The following ADRA1A variants were observed in gnomAD, a reference collection of about 807,000 sequenced individuals.
The protein encoded by ADRA1A is alpha-1A adrenergic receptor.
Under a neutral mutation model 29.6 loss-of-function variants are expected in ADRA1A, and 31 were observed. That is an observed-to-expected ratio of 1.05 (90% confidence interval 0.79 to 1.41). The LOEUF (loss-of-function observed/expected upper bound fraction) is 1.41, where lower values mean the gene tolerates loss of function less well. Among genes scored for constraint, ADRA1A ranks in the 40% most tolerant of loss-of-function variants. ADRA1A has a pLI of 0.00. For missense variants in ADRA1A, 619 were observed against 601.1 expected (o/e 1.03, Z -0.31); for synonymous variants, 311 against 254.3 (o/e 1.22, Z -2.12).
intron 2 of ADRA1A, among the ~76,000 whole-genome samples, chr8:26,844,715 T>C (rs925850630): frequency 1.3e-5 from 2 of 152,214 alleles, no homozygotes; most frequent in African/African-American, 4.8e-5. Context: ...CCTCCTATCA[T>C]GTATAAAAAT....
chr8:26,861,265 T>C (rs530344534), intron 2 of ADRA1A, among the ~76,000 whole-genome samples: 3 of 151,744 alleles, frequency 2.0e-5, no homozygotes, highest in African/African-American at 7.2e-5. Flanking sequence ...TTGCTGGCTG[T>C]TTCTCCTGTT....
Position 26,815,892 on chromosome 8 carries a change from G to A in ADRA1A, c.884-45226C>T, listed in dbSNP as rs991997143. Among the ~76,000 whole-genome samples, 7 of 152,176 alleles carry A rather than the reference G, an allele frequency of 4.6e-5. No individual in the cohort carries two copies. The highest frequency in any genetic ancestry group is 4.6e-4 in the Admixed American group (7 of 15,286). On this transcript the variant is annotated intron_variant, in intron 2 of 2. Transcript: ENST00000380573. The surrounding 1 kb of genome is among the most constrained non-coding windows in gnomAD (Gnocchi z 4.2). ...TCTCTGGAGAGGTTCCAGGGCAGAAGGAATGAGAGAAAAGGGAAATGAGAC... is the reference window on the plus strand; with the variant it reads ...TCTCTGGAGAGGTTCCAGGGCAGAAAGAATGAGAGAAAAGGGAAATGAGAC...
intron 2 of ADRA1A, among the ~76,000 whole-genome samples, chr8:26,789,411 A>G (rs1433695576): frequency 2.0e-5 from 3 of 152,206 alleles, no homozygotes; most frequent in Admixed American, 6.5e-5. Context: ...ACAGTGGGGC[A>G]AGGATAGTAT....
downstream of ADRA1A, among the ~76,000 whole-genome samples, chr8:26,763,499 C>A (rs551101104): frequency 6.6e-6 from 1 of 152,284 alleles, no homozygotes; most frequent in Middle Eastern, 3.4e-3. The surrounding 1 kb of genome is among the most constrained non-coding windows in gnomAD (Gnocchi z 4.5). Flanking sequence ...GTGGCGGATG[C>A]TCACCTCTTA....
chr8:26,756,701 G>T (rs747478135), exon 3 of ADRA1A: 1 of 1,613,948 alleles, frequency 6.2e-7, no homozygotes, highest in Non-Finnish European at 8.5e-7. Flanking sequence ...CCAGTGGTGG[G>T]TTTCATGCTC....
In ADRA1A at chr8:26,865,841, T is replaced by G. The variant is rs1813865712; in HGVS notation, c.-686-186A>C. 1.2e-5 allele frequency: 4 copies of G among 322,294 alleles called. No homozygotes were observed. Among genetic ancestry groups the G allele is most frequent in the African/African-American group, 2.2e-5 (1 of 44,552 alleles). The allele number at this position is 322,294 out of a possible 1,614,324, so 20.0% of individuals were successfully genotyped here. ...TCTCGCGCCCCCACCACTGGGAACC[T>G]GCCTAGCGCACTCTACTGAGTCACC... On this transcript the variant is annotated intron_variant, in intron 1 of 2. Transcript: ENST00000380573. The surrounding 1 kb of genome is among the most constrained non-coding windows in gnomAD (Gnocchi z 7.6).
rs1806476173 is a variant in ADRA1A, at chr8:26,775,468, A to G, written c.884-4802T>C. 6.6e-6 allele frequency among the ~76,000 whole-genome samples: 1 copy of G among 152,084 alleles called. No homozygotes were observed. The highest frequency in any genetic ancestry group is 1.5e-5 in the Non-Finnish European group (1 of 68,014). ...CCTCTAGTTTTTCTCATGATGCTTC[A>G]TAGGAAGAGCCAGACTTCCAAATCA... On this transcript the variant is annotated intron_variant, in intron 2 of 2. Coordinates refer to ENST00000380573, the MANE Select transcript of ADRA1A (RefSeq NM_000680.4). This position sits in a 1 kb window ranked among gnomAD's most constrained non-coding sequence, Gnocchi z 4.1.
chr8:26,794,777 T>A (rs1162385889), intron 2 of ADRA1A, among the ~76,000 whole-genome samples: 1 of 152,102 alleles, frequency 6.6e-6, no homozygotes, highest in Non-Finnish European at 1.5e-5. Flanking sequence ...TTAAAGGGAA[T>A]TAAGAACAAA....
rs144211220 is a variant in ADRA1A at position 26,807,154 on chromosome 8, C to A, written c.884-36488G>T. ...CCTTCATAAGAATCACAAATCTAAC[C>A]CCTTTCCATTAAGCATAGCCTCCTA... On this transcript the variant is annotated intron_variant, in intron 2 of 2. Transcript: ENST00000380573. Among the ~76,000 whole-genome samples the A allele has an allele frequency of 1.2e-3, 179 of 152,190 alleles. 2 individuals carry two copies. Among genetic ancestry groups the A allele is most frequent in the African/African-American group, 3.8e-3 (158 of 41,518 alleles).
chr8:26,749,101 C>G (rs1244556123), intron 2 of ADRA1A, among the ~76,000 whole-genome samples: 1 of 152,180 alleles, frequency 6.6e-6, no homozygotes. Context: ...TAGGCAGTGA[C>G]AACACTATTG....
intron 2 of ADRA1A, among the ~76,000 whole-genome samples, chr8:26,760,017 G>C (rs772922642): frequency 2.0e-5 from 3 of 152,202 alleles, no homozygotes; most frequent in Non-Finnish European, 4.4e-5. Flanking sequence ...AGAGTCCCCA[G>C]GGAGGAAGGA....
In ADRA1A at chr8:26,841,680, A is replaced by G. The variant is rs1811828826; in HGVS notation, c.883+22407T>C. ...AACATTCAGCTGAAACTGTTCCTAGATCCCAAACTCCTACCCTAGCACAAG... is the reference window on the plus strand; with the variant it reads ...AACATTCAGCTGAAACTGTTCCTAGGTCCCAAACTCCTACCCTAGCACAAG... On this transcript the variant is annotated intron_variant, in intron 2 of 2. Coordinates refer to ENST00000380573, the MANE Select transcript of ADRA1A (RefSeq NM_000680.4). This position sits in a 1 kb window ranked among gnomAD's most constrained non-coding sequence, Gnocchi z 4.4. Among the ~76,000 whole-genome samples the G allele has an allele frequency of 6.6e-6, 1 of 152,028 alleles. No individual in the cohort carries two copies. Among genetic ancestry groups the G allele is most frequent in the Non-Finnish European group, 1.5e-5 (1 of 68,014 alleles).
At chr8:26,824,617 C>T (rs1040461652) in intron 2 of ADRA1A, among the ~76,000 whole-genome samples, 1 of 152,180 alleles carries the variant, frequency 6.6e-6, no homozygotes, top group Admixed American at 6.5e-5. Flanking sequence ...CCCCCTTCCT[C>T]CCTTTTTGCT....
intron 2 of ADRA1A, among the ~76,000 whole-genome samples, chr8:26,784,104 G>C (rs1441222284): frequency 6.6e-6 from 1 of 152,174 alleles, no homozygotes; most frequent in Non-Finnish European, 1.5e-5. Flanking sequence ...GTTGATCTGT[G>C]CAGCAAACCA....
At chr8:26,850,045 C>CAAAAAACAAAAAAA (rs1554511739) in intron 2 of ADRA1A, among the ~76,000 whole-genome samples, 1 of 123,380 alleles carries the variant, frequency 8.1e-6, no homozygotes, top group Admixed American at 7.8e-5. Context: ...AAACAAAAAA[C>CAAAAAACAAAAAAA]AAAAAAAAAA....
downstream of ADRA1A, among the ~76,000 whole-genome samples, chr8:26,766,423 T>G (rs1805793019): frequency 6.6e-6 from 1 of 152,148 alleles, no homozygotes; most frequent in South Asian, 2.1e-4. Flanking sequence ...TTAATCACAT[T>G]CCAGGCCATT....
Position 26,866,718 on chromosome 8 carries a change from G to A in ADRA1A, c.-687+218C>T, listed in dbSNP as rs1813928075. 6.6e-6 allele frequency among the ~76,000 whole-genome samples: 1 copy of A among 152,148 alleles called. No individual in the cohort carries two copies. The highest frequency in any genetic ancestry group is 2.4e-5 in the African/African-American group (1 of 41,432). ...GCAGAAACCCTTTTCCTCCTACCTC[G>A]AGGGTGATAAACACAGGGTTAAAAA... On this transcript the variant is annotated intron_variant, in intron 1 of 2. Coordinates refer to ENST00000380573, the MANE Select transcript of ADRA1A (RefSeq NM_000680.4). This position sits in a 1 kb window ranked among gnomAD's most constrained non-coding sequence, Gnocchi z 5.7.
At chr8:26,858,200 T>C (rs893222953) in intron 2 of ADRA1A, among the ~76,000 whole-genome samples, 1 of 152,240 alleles carries the variant, frequency 6.6e-6, no homozygotes, top group African/African-American at 2.4e-5. Flanking sequence ...CTGCCTCCTT[T>C]GATTCAGTGG....
chr8:26,864,326 C>T lies in ADRA1A; in HGVS notation c.644G>A (p.Ser215Asn), dbSNP rs749902900. 35 of 1,613,954 alleles carry T rather than the reference C, an allele frequency of 2.2e-5. No homozygotes were observed. The South Asian group carries it at 3.7e-4, about 17-fold the overall frequency. The change falls in exon 2 of 3, where the codon AGC becomes AAC. Residue 215 changes from serine to asparagine, a missense_variant. Physicochemically the swap from Ser to Asn is conservative, Grantham distance 46. Coordinates refer to ENST00000380573, the MANE Select transcript of ADRA1A (RefSeq NM_000680.4). This position sits in a 1 kb window ranked among gnomAD's most constrained non-coding sequence, Gnocchi z 8.1. ...CTTGAGGCCAGACTTGAGGCCCCGG[C>T]TCTCCCTCTTGGCCACCACGTAGAC... ...CRVYVVAKRE[S>N]RGLKSGLKTD...
Sources: allele counts gnomAD v4.1 joint callset (sites outside exome capture counted in the v4.1 genomes callset), GRCh38; gene constraint gnomAD v4.1.1; non-coding constraint Gnocchi (gnomAD v3.1); transcripts MANE v1.5; gene names NCBI Gene and HGNC (gene_info 2026-07-23, HGNC 2026-07-21).